CHST9: variants seen among roughly 807,000 people sequenced by gnomAD.
CHST9 encodes the protein carbohydrate sulfotransferase 9.
CHST9 carries 41 observed loss-of-function variants against 44.4 expected under a neutral mutation model. That is an observed-to-expected ratio of 0.92 (90% CI 0.72 to 1.20). CHST9 has a LOEUF of 1.20. Ranked by LOEUF, CHST9 falls within the 50% of genes most tolerant of loss-of-function variation. The probability of loss-of-function intolerance (pLI) is 0.00; values close to 1 mark genes in which losing one functional copy is unlikely to be tolerated. For missense variants in CHST9, 504 were observed against 516.5 expected (o/e 0.98, Z 0.23); for synonymous variants, 171 against 178.4 (o/e 0.96, Z 0.33).
At chr18:27,056,780 A>C (rs10853669) in intron 2 of CHST9, among the ~76,000 whole-genome samples, 50,815 of 151,988 alleles carry the variant, frequency 0.33, 9,832 homozygotes, top group Non-Finnish European at 0.45. Context: ...GAATATTATA[A>C]AGTTGAGACT....
chr18:27,170,938 A>G (rs2058829241), intron 1 of CHST9, among the ~76,000 whole-genome samples: 1 of 152,208 alleles, frequency 6.6e-6, no homozygotes, highest in Non-Finnish European at 1.5e-5. Context: ...ATGTTTTCCT[A>G]CTGAAACTCA....
At chr18:26,919,573 A>G (rs2055608159) in intron 5 of CHST9, among the ~76,000 whole-genome samples, 1 of 152,210 alleles carries the variant, frequency 6.6e-6, no homozygotes, top group African/African-American at 2.4e-5. Flanking sequence ...AGTAGTAGTT[A>G]TAGTACTTTA....
chr18:26,951,061 A>G (rs577009266), intron 4 of CHST9, among the ~76,000 whole-genome samples: 31 of 152,220 alleles, frequency 2.0e-4, no homozygotes, highest in Non-Finnish European at 4.6e-4. Context: ...TTATGTCTTC[A>G]CAAAACAAAG....
intron 3 of CHST9, among the ~76,000 whole-genome samples, chr18:27,027,553 C>T (rs148610521): frequency 1.3e-5 from 2 of 152,224 alleles, no homozygotes; most frequent in East Asian, 1.9e-4. Context: ...CGCCTGGATG[C>T]GCCATTATTA....
At chr18:27,129,365 A>T (rs985962799) in intron 2 of CHST9, among the ~76,000 whole-genome samples, 1 of 150,830 alleles carries the variant, frequency 6.6e-6, no homozygotes, top group East Asian at 1.9e-4. Flanking sequence ...GTTTATTTTT[A>T]TTTTTTATTT....
intron 1 of CHST9, among the ~76,000 whole-genome samples, chr18:27,165,583 A>C (rs1397611349): frequency 6.6e-6 from 1 of 152,198 alleles, no homozygotes; most frequent in African/African-American, 2.4e-5. Flanking sequence ...CAAATATAAA[A>C]GTTCACATGA....
At chr18:27,129,758 T>C (rs1163547891) in intron 2 of CHST9, among the ~76,000 whole-genome samples, 2 of 152,130 alleles carry the variant, frequency 1.3e-5, no homozygotes, top group Non-Finnish European at 2.9e-5. Flanking sequence ...TCCAAAGACA[T>C]TGGTTCTGTA....
chr18:27,166,645 C>A (rs2058792778), intron 1 of CHST9, among the ~76,000 whole-genome samples: 1 of 152,172 alleles, frequency 6.6e-6, no homozygotes, highest in Non-Finnish European at 1.5e-5. Context: ...CTCTTCAGTT[C>A]AACAGAAATA....
chr18:26,997,402 T>A (rs2056898895), intron 4 of CHST9, among the ~76,000 whole-genome samples: 1 of 152,192 alleles, frequency 6.6e-6, no homozygotes, highest in African/African-American at 2.4e-5. Context: ...TTCTAAGCCA[T>A]CTGTGGGGGT....
chr18:27,040,133 T>C (rs1273098278), intron 3 of CHST9, among the ~76,000 whole-genome samples: 1 of 152,114 alleles, frequency 6.6e-6, no homozygotes, highest in Non-Finnish European at 1.5e-5. Flanking sequence ...TAAAGGTGTG[T>C]AAGGAAATGA....
intron 1 of CHST9, among the ~76,000 whole-genome samples, chr18:27,152,073 TAACTC>T (rs1043112140): frequency 6.6e-6 from 1 of 152,208 alleles, no homozygotes; most frequent in African/African-American, 2.4e-5. Context: ...ATTCCTGTAA[TAACTC>T]AACTGCTCAC....
At chr18:27,130,695 T>A in intron 2 of CHST9, among the ~76,000 whole-genome samples, 1 of 152,318 alleles carries the variant, frequency 6.6e-6, no homozygotes, top group Non-Finnish European at 1.5e-5. Context: ...AGAAACAACT[T>A]TAATGTGCAT....
At chr18:27,006,577 G>C (rs1568129957) in intron 4 of CHST9, among the ~76,000 whole-genome samples, 1 of 152,154 alleles carries the variant, frequency 6.6e-6, no homozygotes, top group Non-Finnish European at 1.5e-5. Context: ...TAGTGTCCTA[G>C]ATAGCTGGAA....
At chr18:26,996,256 C>A (rs1161069082) in intron 4 of CHST9, among the ~76,000 whole-genome samples, 1 of 152,188 alleles carries the variant, frequency 6.6e-6, no homozygotes, top group Non-Finnish European at 1.5e-5. Context: ...GATTCTAAGT[C>A]AGCAACATTT....
intron 2 of CHST9, among the ~76,000 whole-genome samples, chr18:27,058,884 G>A (rs1346436003): frequency 6.6e-6 from 1 of 152,014 alleles, no homozygotes; most frequent in Non-Finnish European, 1.5e-5. Flanking sequence ...GGTTACACAG[G>A]AATAGTCAAA....
intron 3 of CHST9, among the ~76,000 whole-genome samples, chr18:27,024,966 T>C (rs942908294): frequency 6.6e-6 from 1 of 151,664 alleles, no homozygotes; most frequent in South Asian, 2.1e-4. Flanking sequence ...AGAACAATCT[T>C]ACAGAGCAGT....
chr18:27,147,564 C>T (rs1400984914), intron 1 of CHST9: 4 of 152,358 alleles, frequency 2.6e-5, no homozygotes, highest in African/African-American at 9.6e-5. Flanking sequence ...CTGAGTAAAC[C>T]GAGACCAGCA....
intron 1 of CHST9, among the ~76,000 whole-genome samples, chr18:27,163,542 G>A (rs9955147): frequency 0.033 from 4,957 of 152,208 alleles, 203 homozygotes; most frequent in African/African-American, 0.096. Flanking sequence ...CCTCACTGCC[G>A]CCTTGCAGTT....
intron 2 of CHST9, among the ~76,000 whole-genome samples, chr18:27,077,308 A>T (rs1157874709): frequency 6.6e-6 from 1 of 152,226 alleles, no homozygotes; most frequent in African/African-American, 2.4e-5. Context: ...ATACCCTTCA[A>T]ATTCTCTTGG....
Sources: gnomAD v4.1 joint callset for allele counts (sites outside exome capture counted in the v4.1 genomes callset) on GRCh38, gnomAD v4.1.1 for gene constraint, MANE v1.5 for transcripts, NCBI Gene and HGNC (gene_info 2026-07-23, HGNC 2026-07-21) for gene names.